Variants in SGSM1 observed in about 807,000 individuals in gnomAD.
SGSM1 encodes the protein small G protein signaling modulator 1.
SGSM1 carries 73 observed loss-of-function variants against 133.8 expected under a neutral mutation model. The ratio of observed to expected loss-of-function variants is 0.55; its 90% CI spans 0.45 to 0.66. The LOEUF (loss-of-function observed/expected upper bound fraction) is 0.66. SGSM1 is among the 30% of genes least tolerant of loss of function. SGSM1 has a pLI of 0.00. For synonymous variants in SGSM1, 563 were observed against 573.0 expected (o/e 0.98, Z 0.25); for missense variants, 1,213 against 1,448.1 (o/e 0.84, Z 2.64).
Position 24,924,530 on chromosome 22 carries a change from G to A in SGSM1, c.*256G>A, listed in dbSNP as rs1001308621. 1.4e-5 allele frequency: 7 copies of A among 501,034 alleles called. No individual in the cohort carries two copies. The highest frequency in any genetic ancestry group is 2.5e-5 in the Non-Finnish European group (7 of 278,172). 31.0% of individuals were successfully genotyped at this position (501,034 alleles called of 1,614,324 possible). On this transcript the variant is annotated 3_prime_UTR_variant, in exon 25 of 25. Transcript: ENST00000400358. ...AGTCTGGCGTTCCTCCCTTGCAGGA[G>A]GTGGAGGTTGTTGGTGGAGGAGGAG...
At position 24,919,970 on chromosome 22, in the gene SGSM1, C is replaced by T. The variant is rs1046550343; in HGVS notation, c.3170C>T (p.Thr1057Ile). Residue 1057 changes from threonine (T) to isoleucine (I), a missense_variant, in exon 24 of 25, where the codon ACA (threonine) becomes ATA (isoleucine). By Grantham distance (89) the Thr-to-Ile change is moderately conservative. Coordinates refer to ENST00000400358, the MANE Select transcript of SGSM1 (RefSeq NM_001098497.3). The part of the protein sequence containing the change: ...DIILENNMDF[T>I]DIIKFFNEMA... ...ATTTTGGAGAACAACATGGATTTCACAGACATCATCAAATTCTTTAATGGT... is the reference window on the plus strand; with the variant it reads ...ATTTTGGAGAACAACATGGATTTCATAGACATCATCAAATTCTTTAATGGT... The T allele has an allele frequency of 1.1e-5, 18 of 1,608,890 alleles. No homozygotes were observed. Among genetic ancestry groups the T allele is most frequent in the Admixed American group, 1.7e-5 (1 of 59,026 alleles).
chr22:24,868,550 A>C lies in SGSM1; in HGVS notation c.1158+11A>C. The C allele has an allele frequency of 6.2e-7, 1 of 1,613,724 alleles. No individual in the cohort carries two copies. The highest frequency in any genetic ancestry group is 1.3e-5 in the African/African-American group (1 of 75,046). ...TCCCAGAGGGGTAAGGTGAGTGATC[A>C]TCGGGACCCAGGGAGGCTGGGGTGG... On this transcript the variant is annotated intron_variant, in intron 11 of 24. Transcript: ENST00000400358.
chr22:24,889,941 G>C (rs574934482), intron 16 of SGSM1, among the ~76,000 whole-genome samples: 1 of 145,636 alleles, frequency 6.9e-6, no homozygotes, highest in Non-Finnish European at 1.5e-5. Flanking sequence ...GTGAGCCACC[G>C]GGCCTGGCCT....
chr22:24,807,595 C>G (rs1601876220), intron 2 of SGSM1, among the ~76,000 whole-genome samples: 1 of 152,052 alleles, frequency 6.6e-6, no homozygotes, highest in Non-Finnish European at 1.5e-5. Flanking sequence ...AGTCTCAGAC[C>G]CCATTGCTGC....
intron 21 of SGSM1, among the ~76,000 whole-genome samples, chr22:24,908,022 G>GATCAA (rs1488692511): frequency 1.3e-5 from 2 of 150,118 alleles, no homozygotes; most frequent in Non-Finnish European, 3.0e-5. Context: ...TCAACATGTA[G>GATCAA]ATCAATGGAA....
chr22:24,868,956 G>T, intron 12 of SGSM1, 101 bp downstream of exon 12: 1 of 1,496,530 alleles, frequency 6.7e-7, no homozygotes, highest in Non-Finnish European at 8.9e-7. Context: ...TGGATTCTGG[G>T]GCTAACAGGA....
At chr22:24,812,257 G>A (rs1346858660) in intron 2 of SGSM1, among the ~76,000 whole-genome samples, 3 of 152,022 alleles carry the variant, frequency 2.0e-5, no homozygotes, top group African/African-American at 7.3e-5. Context: ...CTCTGTGCTG[G>A]GCATTGTGCC....
chr22:24,851,821 GT>G (rs1930501637), intron 5 of SGSM1, among the ~76,000 whole-genome samples: 1 of 152,210 alleles, frequency 6.6e-6, no homozygotes, highest in South Asian at 2.1e-4. Flanking sequence ...GGGGAACAAA[GT>G]GTTTCTGGTG....
intron 18 of SGSM1, among the ~76,000 whole-genome samples, chr22:24,896,963 C>T (rs1050465810): frequency 1.3e-5 from 2 of 149,034 alleles, no homozygotes; most frequent in African/African-American, 4.9e-5. Context: ...GGCAACAGAG[C>T]GAGACTCCAT....
intron 12 of SGSM1, among the ~76,000 whole-genome samples, chr22:24,869,421 G>A (rs910156412): frequency 6.6e-5 from 10 of 152,166 alleles, no homozygotes; most frequent in Non-Finnish European, 1.5e-4. Context: ...TTGGGAGGCT[G>A]AGGTGGGAGG....
chr22:24,862,988 T>A (rs947070352), intron 9 of SGSM1, among the ~76,000 whole-genome samples: 1 of 152,172 alleles, frequency 6.6e-6, no homozygotes, highest in Non-Finnish European at 1.5e-5. Context: ...GTTTGTTGCT[T>A]GGACTTGAGC....
intron 12 of SGSM1, among the ~76,000 whole-genome samples, chr22:24,872,811 C>T (rs1479811664): frequency 1.3e-5 from 2 of 151,742 alleles, no homozygotes; most frequent in Non-Finnish European, 2.9e-5. Flanking sequence ...CCCAGTTACT[C>T]GGGAGGCTGA....
intron 9 of SGSM1, 136 bp downstream of exon 9, chr22:24,859,976 C>T: frequency 3.1e-6 from 4 of 1,270,294 alleles, no homozygotes; most frequent in Non-Finnish European, 4.4e-6. Context: ...GTTAGGACCA[C>T]TTGGCTCAGC....
chr22:24,842,252 C>T (rs1929848593), intron 2 of SGSM1, among the ~76,000 whole-genome samples: 1 of 152,098 alleles, frequency 6.6e-6, no homozygotes, highest in Non-Finnish European at 1.5e-5. Context: ...TGACATGTTG[C>T]AGAAGGAGCT....
chr22:24,840,963 G>C (rs893628260), intron 2 of SGSM1, among the ~76,000 whole-genome samples: 2 of 152,134 alleles, frequency 1.3e-5, no homozygotes, highest in African/African-American at 4.8e-5. Flanking sequence ...CCATTCTCTT[G>C]CCTCAGCCTC....
intron 2 of SGSM1, among the ~76,000 whole-genome samples, chr22:24,810,043 CG>C: frequency 6.6e-6 from 1 of 152,094 alleles, no homozygotes; most frequent in South Asian, 2.1e-4. Flanking sequence ...TTGAAGGAAC[CG>C]AAGTGACCGG....
chr22:24,850,400 C>G lies in SGSM1; in HGVS notation c.423C>G (p.Asp141Glu). The G allele has an allele frequency of 6.2e-7, 1 of 1,613,988 alleles. No individual in the cohort carries two copies. Among genetic ancestry groups the G allele is most frequent in the South Asian group, 1.1e-5 (1 of 91,068 alleles). The change falls in exon 5 of 25, where the codon GAC becomes GAG. Residue 141 changes from aspartate to glutamate, a missense_variant. Physicochemically the swap from Asp to Glu is conservative, Grantham distance 45 (BLOSUM62 2). Coordinates refer to ENST00000400358, the MANE Select transcript of SGSM1 (RefSeq NM_001098497.3). Reference sequence around the variant, plus strand: ...CAGCCTTGTTTGAGAAGGTCCTGGACAAAATTGTGCATTACCTTGTGGAAA... The same window carrying G: ...CAGCCTTGTTTGAGAAGGTCCTGGAGAAAATTGTGCATTACCTTGTGGAAA... ...IRTALFEKVL[D>E]KIVHYLVENS...
At chr22:24,870,137 A>G (rs1931696399) in intron 12 of SGSM1, among the ~76,000 whole-genome samples, 2 of 152,216 alleles carry the variant, frequency 1.3e-5, no homozygotes, top group Admixed American at 1.3e-4. Context: ...TAAGCGCTAC[A>G]GTGTCCTGAA....
At chr22:24,874,938 T>G (rs1416238505) in intron 12 of SGSM1, among the ~76,000 whole-genome samples, 1 of 152,206 alleles carries the variant, frequency 6.6e-6, no homozygotes, top group Non-Finnish European at 1.5e-5. Context: ...GGCTAGCTCA[T>G]GGGTGAGTCT....
Sources: gnomAD v4.1 joint callset for allele counts (sites outside exome capture counted in the v4.1 genomes callset) on GRCh38, gnomAD v4.1.1 for gene constraint, MANE v1.5 for transcripts, NCBI Gene and HGNC (gene_info 2026-07-23, HGNC 2026-07-21) for gene names.